The following SPAG16 variants were observed in gnomAD, a reference collection of about 807,000 sequenced individuals.
SPAG16 encodes sperm associated antigen 16, also known as sperm-associated antigen 16 protein.
SPAG16 carries 86 observed loss-of-function variants against 80.4 expected under a neutral mutation model. The observed-to-expected ratio is 1.07, with a 90% CI of 0.90 to 1.28. SPAG16 has a LOEUF of 1.28. Among genes scored for constraint, SPAG16 ranks in the 50% most tolerant of loss-of-function variants. The pLI, the probability that SPAG16 is intolerant of heterozygous loss-of-function variation, is 0.00. For synonymous variants in SPAG16, 294 were observed against 265.9 expected, an observed-to-expected ratio of 1.11 and a Z score of -1.03; for missense variants, 870 against 765.3, an observed-to-expected ratio of 1.14 and a Z score of -1.61.
At chr2:214,113,527 C>T (rs535262043) in intron 14 of SPAG16, among the ~76,000 whole-genome samples, 3 of 152,240 alleles carry the variant, frequency 2.0e-5, no homozygotes, top group East Asian at 1.9e-4. Flanking sequence ...TTCTTTTTAA[C>T]TCTTTTTTCT....
chr2:214,347,036 A>G (rs992252937), intron 15 of SPAG16, among the ~76,000 whole-genome samples: 3 of 152,202 alleles, frequency 2.0e-5, no homozygotes, highest in African/African-American at 7.2e-5. Flanking sequence ...AAGTGTTATA[A>G]TAAAACCAAA....
intron 14 of SPAG16, among the ~76,000 whole-genome samples, chr2:214,109,649 G>A (rs1274853818): frequency 6.6e-6 from 1 of 152,102 alleles, no homozygotes; most frequent in Non-Finnish European, 1.5e-5. Context: ...GTCATTGTCA[G>A]GCCTGGGAAT....
chr2:214,120,039 G>T (rs1320539465), intron 14 of SPAG16, among the ~76,000 whole-genome samples: 1 of 151,800 alleles, frequency 6.6e-6, no homozygotes, highest in Non-Finnish European at 1.5e-5. Flanking sequence ...CTCTGGACTT[G>T]ATGTGTCTTC....
chr2:213,400,922 C>T (rs978302034), intron 9 of SPAG16, among the ~76,000 whole-genome samples: 1 of 152,146 alleles, frequency 6.6e-6, no homozygotes, highest in Non-Finnish European at 1.5e-5. Context: ...ATCCTCCCAC[C>T]TCAGCCTTCC....
At chr2:214,385,488 G>A (rs373589277) in intron 15 of SPAG16, among the ~76,000 whole-genome samples, 34 of 152,246 alleles carry the variant, frequency 2.2e-4, no homozygotes, top group South Asian at 6.2e-4. Context: ...TGATCTTAAC[G>A]AGTTCTTTAT....
intron 13 of SPAG16, among the ~76,000 whole-genome samples, chr2:214,070,080 A>AT (rs71034614): frequency 0.16 from 23,203 of 142,446 alleles, 1,827 homozygotes; most frequent in Middle Eastern, 0.17. Context: ...CTCTTGGGGA[A>AT]TTTTTTTTTT....
chr2:213,511,506 A>C (rs2075224615), intron 10 of SPAG16, among the ~76,000 whole-genome samples: 1 of 152,160 alleles, frequency 6.6e-6, no homozygotes, highest in African/African-American at 2.4e-5. Context: ...AATAAATGTT[A>C]GATTTTTCTA....
chr2:213,292,482 G>A (rs2126059621), intron 1 of SPAG16, among the ~76,000 whole-genome samples: 1 of 151,410 alleles, frequency 6.6e-6, no homozygotes, highest in African/African-American at 2.4e-5. Context: ...GGCTAAAACG[G>A]TGAAACCCCG....
At chr2:213,398,306 C>T (rs1393490294) in intron 9 of SPAG16, among the ~76,000 whole-genome samples, 1 of 152,030 alleles carries the variant, frequency 6.6e-6, no homozygotes, top group Non-Finnish European at 1.5e-5. Context: ...TAAGTCTGTC[C>T]ATGACATTTC....
At chr2:213,604,865 C>T (rs1387164337) in intron 10 of SPAG16, among the ~76,000 whole-genome samples, 1 of 150,890 alleles carries the variant, frequency 6.6e-6, no homozygotes, top group Non-Finnish European at 1.5e-5. Flanking sequence ...CAGCTACCTT[C>T]TCATTTCTTC....
intron 10 of SPAG16, among the ~76,000 whole-genome samples, chr2:213,687,545 C>T (rs995193684): frequency 1.3e-5 from 2 of 151,998 alleles, no homozygotes; most frequent in Admixed American, 6.6e-5. Flanking sequence ...TCTAGATTGG[C>T]GTCCTATTAT....
intron 10 of SPAG16, among the ~76,000 whole-genome samples, chr2:213,691,893 G>A (rs1196915367): frequency 1.3e-5 from 2 of 152,144 alleles, no homozygotes; most frequent in Admixed American, 1.3e-4. Flanking sequence ...ATAAATATTT[G>A]TAAAAGTAAT....
At chr2:214,303,018 A>G (rs1373627461) in intron 15 of SPAG16, among the ~76,000 whole-genome samples, 1 of 152,156 alleles carries the variant, frequency 6.6e-6, no homozygotes, top group Non-Finnish European at 1.5e-5. Flanking sequence ...GTCATTACCC[A>G]TTATGTGAGT....
intron 15 of SPAG16, among the ~76,000 whole-genome samples, chr2:214,222,229 G>A (rs1201679823): frequency 6.8e-6 from 1 of 147,170 alleles, no homozygotes; most frequent in African/African-American, 2.5e-5. Context: ...CGAGTCTCCT[G>A]ACTCAGCCTC....
chr2:213,544,126 C>G (rs1194951838), intron 10 of SPAG16, among the ~76,000 whole-genome samples: 2 of 151,522 alleles, frequency 1.3e-5, no homozygotes, highest in African/African-American at 4.8e-5. Flanking sequence ...TTATCACTTT[C>G]TCTCCTAGTT....
At chr2:214,294,658 G>C (rs1476310494) in intron 15 of SPAG16, among the ~76,000 whole-genome samples, 1 of 152,152 alleles carries the variant, frequency 6.6e-6, no homozygotes, top group East Asian at 1.9e-4. Context: ...ATTGAACTTT[G>C]TTAGCAGCAA....
rs1446314388 is a variant in SPAG16, at chr2:214,410,447, G to A, written c.*132G>A. Reference sequence around the variant, plus strand: ...TACAGTCTGCTTTAAAACATGCTTTGGACATATATTTTAGTGCTCATACTG... The same window carrying A: ...TACAGTCTGCTTTAAAACATGCTTTAGACATATATTTTAGTGCTCATACTG... On this transcript the variant is annotated 3_prime_UTR_variant, in exon 16 of 16. Transcript: ENST00000331683. The A allele has an allele frequency of 3.7e-6, 3 of 802,188 alleles. No individual in the cohort carries two copies. The highest frequency in any genetic ancestry group is 5.6e-6 in the Non-Finnish European group (3 of 531,970). The allele number at this position is 802,188 out of a possible 1,614,324, so 49.7% of individuals were successfully genotyped here.
At chr2:213,469,013 A>G (rs1009064309) in intron 9 of SPAG16, among the ~76,000 whole-genome samples, 1 of 152,098 alleles carries the variant, frequency 6.6e-6, no homozygotes, top group African/African-American at 2.4e-5. Context: ...GCCCACCCAG[A>G]TCAAGGGTGG....
intron 15 of SPAG16, among the ~76,000 whole-genome samples, chr2:214,368,664 C>T (rs190384909): frequency 3.3e-5 from 5 of 152,192 alleles, no homozygotes; most frequent in Admixed American, 3.3e-4. Flanking sequence ...CCTCTTTCCA[C>T]TATTACTATT....
Sources: allele counts gnomAD v4.1 joint callset (sites outside exome capture counted in the v4.1 genomes callset), GRCh38; gene constraint gnomAD v4.1.1; transcripts MANE v1.5; gene names NCBI Gene and HGNC (gene_info 2026-07-23, HGNC 2026-07-21).